The following ARHGEF4 variants were observed in gnomAD, a reference collection of about 807,000 sequenced individuals.
The protein encoded by ARHGEF4 is APC-stimulated guanine nucleotide exchange factor 1.
In ARHGEF4, 119 loss-of-function variants were observed where a neutral mutation model predicts 162.0. The observed-to-expected ratio is 0.73, with a 90% confidence interval of 0.63 to 0.86. ARHGEF4 has a LOEUF of 0.86. Among genes scored for constraint, ARHGEF4 ranks in the 40% least tolerant of loss-of-function variants. ARHGEF4 has a pLI of 0.00. For synonymous variants in ARHGEF4, 1,014 were observed against 979.9 expected (o/e 1.03, Z -0.65); for missense variants, 2,488 against 2,456.0 (o/e 1.01, Z -0.28).
At chr2:130,934,103 A>G (rs1682797903) in intron 3 of ARHGEF4, among the ~76,000 whole-genome samples, 1 of 151,958 alleles carries the variant, frequency 6.6e-6, no homozygotes, top group Non-Finnish European at 1.5e-5. Context: ...GTTCGTTTCT[A>G]TTTCTAGTGT....
At chr2:130,985,243 G>A (rs1250688973) in intron 4 of ARHGEF4, among the ~76,000 whole-genome samples, 3 of 152,094 alleles carry the variant, frequency 2.0e-5, no homozygotes, top group Non-Finnish European at 1.5e-5. Context: ...GCCAAAAGTG[G>A]GCAGGCAGCT....
At chr2:131,025,531 C>T (rs756198192) in intron 4 of ARHGEF4, among the ~76,000 whole-genome samples, 1 of 152,240 alleles carries the variant, frequency 6.6e-6, no homozygotes, top group Non-Finnish European at 1.5e-5. Flanking sequence ...CCCAGTCATC[C>T]TCCCAGCTTC....
At chr2:130,918,172 T>C (rs1274394183) in intron 2 of ARHGEF4, among the ~76,000 whole-genome samples, 1 of 152,224 alleles carries the variant, frequency 6.6e-6, no homozygotes, top group Non-Finnish European at 1.5e-5. Flanking sequence ...TCATGTTGTC[T>C]TCTAGTACTT....
intron 1 of ARHGEF4, among the ~76,000 whole-genome samples, chr2:130,875,092 A>G (rs1678737643): frequency 6.6e-6 from 1 of 152,218 alleles, no homozygotes. Flanking sequence ...CTTTAAAATT[A>G]GAAAATATTC....
In ARHGEF4 at chr2:130,915,346, A is replaced by G. The variant is rs1377174100; in HGVS notation, c.1400A>G (p.Glu467Gly). 1 of 1,550,726 alleles carries G rather than the reference A, an allele frequency of 6.4e-7. No homozygotes were observed. The highest frequency in any genetic ancestry group is 2.4e-5 in the East Asian group (1 of 40,922). Reference protein sequence around the residue: ...PAECKSEQSPESRTQEPQGTQ... With the variant: ...PAECKSEQSPGSRTQEPQGTQ... ...GAGTGCAAGTCAGAGCAAAGCCCAG[A>G]AAGCAGAACCCAGGAACCCCAAGGC... is the stretch of plus-strand genomic sequence containing the variant. Residue 467 changes from glutamate to glycine, a missense_variant, in exon 2 of 14, where the codon GAA (glutamate) becomes GGA (glycine). Physicochemically the swap from Glu to Gly is moderately conservative, Grantham distance 98. Transcript: ENST00000409359.
intron 4 of ARHGEF4, among the ~76,000 whole-genome samples, chr2:130,960,232 T>C (rs1684550304): frequency 1.3e-5 from 2 of 152,116 alleles, no homozygotes; most frequent in South Asian, 4.1e-4. Flanking sequence ...TTTATAAACA[T>C]TACAGAACAA....
At chr2:130,968,629 T>C (rs1379286219) in intron 4 of ARHGEF4, among the ~76,000 whole-genome samples, 7 of 152,276 alleles carry the variant, frequency 4.6e-5, no homozygotes, top group Non-Finnish European at 8.8e-5. Flanking sequence ...CTAAGAAATA[T>C]GAACTATTGG....
intron 3 of ARHGEF4, among the ~76,000 whole-genome samples, chr2:130,934,189 T>C (rs550663889): frequency 1.4e-4 from 21 of 152,348 alleles, no homozygotes; most frequent in Middle Eastern, 3.4e-3. Context: ...TCAACTGAGA[T>C]AATCATGCAT....
At chr2:131,006,240 AG>A (rs1688104415) in intron 4 of ARHGEF4, among the ~76,000 whole-genome samples, 1 of 152,190 alleles carries the variant, frequency 6.6e-6, no homozygotes, top group South Asian at 2.1e-4. Context: ...GCCTCCAGAA[AG>A]GGACACAGCC....
intron 3 of ARHGEF4, among the ~76,000 whole-genome samples, chr2:130,946,030 G>T (rs1354357171): frequency 6.6e-6 from 1 of 152,178 alleles, no homozygotes; most frequent in African/African-American, 2.4e-5. Context: ...ATACAGAAAA[G>T]GCTTATATCC....
chr2:131,041,779 A>G (rs1175664293), intron 9 of ARHGEF4, 36 bp from the exon 10 acceptor site: 2 of 1,604,070 alleles, frequency 1.2e-6, no homozygotes, highest in Non-Finnish European at 8.5e-7. Flanking sequence ...CTCTGTCTCC[A>G]GCCTGCAGCA....
intron 1 of ARHGEF4, among the ~76,000 whole-genome samples, chr2:130,842,921 C>T (rs1574079173): frequency 6.6e-6 from 1 of 152,150 alleles, no homozygotes; most frequent in Admixed American, 6.5e-5. Flanking sequence ...ATGAAGGGGG[C>T]GACGTGCAGC....
intron 1 of ARHGEF4, among the ~76,000 whole-genome samples, chr2:130,854,512 C>T (rs994293957): frequency 6.6e-6 from 1 of 151,208 alleles, no homozygotes; most frequent in Non-Finnish European, 1.5e-5. Context: ...CATTCTCATC[C>T]TCAGCCCCAT....
intron 4 of ARHGEF4, among the ~76,000 whole-genome samples, chr2:131,003,278 G>C (rs1483561367): frequency 6.6e-6 from 1 of 152,188 alleles, no homozygotes; most frequent in African/African-American, 2.4e-5. Context: ...CTCAGTTCCT[G>C]ATTTATAAAA....
At position 130,884,263 on chromosome 2, in the gene ARHGEF4, C is replaced by T. The variant is rs141861802; in HGVS notation, c.40-29723C>T. On this transcript the variant is annotated intron_variant, in intron 1 of 13. Coordinates refer to ENST00000409359, the MANE Select transcript of ARHGEF4 (RefSeq NM_001367493.1). ...ACACACGCATACACATGCACACACA[C>T]GTGCACACATGCATGCACACAGACA... Among the ~76,000 whole-genome samples the T allele has an allele frequency of 7.2e-5, 11 of 151,922 alleles. No individual in the cohort carries two copies. The East Asian group carries it at 1.9e-3, about 27-fold the overall frequency.
At chr2:130,896,020 T>G (rs1680136026) in intron 1 of ARHGEF4, among the ~76,000 whole-genome samples, 1 of 152,156 alleles carries the variant, frequency 6.6e-6, no homozygotes, top group African/African-American at 2.4e-5. Flanking sequence ...GTGGGGGTTT[T>G]GGGGATTTGG....
At chr2:131,043,894 G>A (rs1017912818) in intron 11 of ARHGEF4, among the ~76,000 whole-genome samples, 2 of 152,170 alleles carry the variant, frequency 1.3e-5, no homozygotes, top group East Asian at 1.9e-4. Flanking sequence ...CTCCAACCCC[G>A]GAGTCCCCTG....
At chr2:130,903,119 A>ATTTTTTTTTTTTTTT (rs56943344) in intron 1 of ARHGEF4, among the ~76,000 whole-genome samples, 1 of 144,516 alleles carries the variant, frequency 6.9e-6, no homozygotes, top group Non-Finnish European at 1.5e-5. Flanking sequence ...TCTTCTGCTT[A>ATTTTTTTTTTTTTTT]TTTTTTTTTT....
chr2:130,967,844 A>G (rs1040173358), intron 4 of ARHGEF4, among the ~76,000 whole-genome samples: 1 of 152,192 alleles, frequency 6.6e-6, no homozygotes, highest in Non-Finnish European at 1.5e-5. Flanking sequence ...GGCAAAGAGC[A>G]CTTAGAGCAG....
Sources: allele counts gnomAD v4.1 joint callset (sites outside exome capture counted in the v4.1 genomes callset), GRCh38; gene constraint gnomAD v4.1.1; transcripts MANE v1.5; gene names NCBI Gene and HGNC (gene_info 2026-07-23, HGNC 2026-07-21).